TGFBR3: variants seen among roughly 807,000 people sequenced by gnomAD.
TGFBR3 encodes the protein transforming growth factor beta receptor type 3.
A neutral mutation model predicts 87.9 loss-of-function variants in TGFBR3; 46 were observed. The observed-to-expected ratio is 0.52, with a 90% CI of 0.41 to 0.67. The LOEUF (loss-of-function observed/expected upper bound fraction) is 0.67. Among genes scored for constraint, TGFBR3 ranks in the 30% least tolerant of loss-of-function variants. The pLI is 0.00. For missense variants in TGFBR3, 866 were observed against 1,041.9 expected, an observed-to-expected ratio of 0.83 and a Z score of 2.32; for synonymous variants, 381 against 391.6, an observed-to-expected ratio of 0.97 and a Z score of 0.32.
chr1:91,805,040 T>C (rs1675779038), intron 2 of TGFBR3, among the ~76,000 whole-genome samples: 2 of 152,230 alleles, frequency 1.3e-5, no homozygotes, highest in South Asian at 4.1e-4. Context: ...TACTCTATCA[T>C]GAAAAGGCAT....
At chr1:91,837,404 C>T (rs1031293891) in intron 2 of TGFBR3, among the ~76,000 whole-genome samples, 1 of 152,062 alleles carries the variant, frequency 6.6e-6, no homozygotes, top group African/African-American at 2.4e-5. Flanking sequence ...CACCATCACG[C>T]CTGGCTAATT....
chr1:91,820,305 C>T (rs945855394), intron 2 of TGFBR3, among the ~76,000 whole-genome samples: 13 of 152,308 alleles, frequency 8.5e-5, no homozygotes, highest in African/African-American at 3.1e-4. Context: ...TACTGTACTA[C>T]ACCATAACAA....
At chr1:91,843,548 T>A (rs1244102006) in intron 2 of TGFBR3, among the ~76,000 whole-genome samples, 1 of 152,228 alleles carries the variant, frequency 6.6e-6, no homozygotes, top group Non-Finnish European at 1.5e-5. Flanking sequence ...AGTACTATGG[T>A]AACATTTTCA....
rs562718149 is a variant in TGFBR3, at chr1:91,808,550, C to T, written c.62-11079G>A. 3.6e-4 allele frequency among the ~76,000 whole-genome samples: 55 copies of T among 152,308 alleles called. No individual in the cohort carries two copies. In the South Asian group the frequency reaches 1.0e-2, roughly 28 times the overall value. The stretch of plus-strand genomic sequence containing the variant: ...GCGCAATCTCAACTCACTGCAAATT[C>T]CGCCTCCTGGGTTCGAGTGATTCTC... On this transcript the variant is annotated intron_variant, in intron 2 of 16. Coordinates refer to ENST00000212355, the MANE Select transcript of TGFBR3 (RefSeq NM_003243.5).
chr1:91,739,258 A>G (rs1443341379), intron 4 of TGFBR3, among the ~76,000 whole-genome samples: 4 of 152,170 alleles, frequency 2.6e-5, no homozygotes, highest in Non-Finnish European at 4.4e-5. Flanking sequence ...GACTTCCGGA[A>G]TAATTCAGGT....
At chr1:91,711,999 C>T (rs928317912) in intron 13 of TGFBR3, among the ~76,000 whole-genome samples, 5 of 152,162 alleles carry the variant, frequency 3.3e-5, no homozygotes, top group African/African-American at 7.2e-5. Context: ...CATGGAAAAG[C>T]GTCTTGATTT....
intron 6 of TGFBR3, among the ~76,000 whole-genome samples, chr1:91,729,281 C>T (rs1370211145): frequency 2.3e-5 from 2 of 87,650 alleles, no homozygotes; most frequent in South Asian, 5.9e-4. Flanking sequence ...CACGTGCATG[C>T]GCATACACAC....
chr1:91,883,758 C>T (rs989776066), intron 1 of TGFBR3, among the ~76,000 whole-genome samples: 1 of 146,046 alleles, frequency 6.8e-6, no homozygotes, highest in African/African-American at 2.5e-5. Flanking sequence ...TTAAAGTTGA[C>T]AAATGTCAAA....
At chr1:91,712,192 C>A (rs753832241) in intron 13 of TGFBR3, 51 bp downstream of exon 13, 5 of 1,570,046 alleles carry the variant, frequency 3.2e-6, no homozygotes, top group Non-Finnish European at 4.4e-6. Context: ...ACTTTTCTGC[C>A]TCACCTAAAA....
At chr1:91,861,424 T>C in intron 2 of TGFBR3, 47 bp downstream of exon 2, 7 of 1,427,988 alleles carry the variant, frequency 4.9e-6, no homozygotes, top group Non-Finnish European at 6.9e-6. Flanking sequence ...GGACAAAATA[T>C]ATCCAAAAAT....
rs1357757603 is a variant in TGFBR3, at chr1:91,859,705, C to G, written c.61+1766G>C. 2.0e-5 allele frequency among the ~76,000 whole-genome samples: 3 copies of G among 152,130 alleles called. No individual in the cohort carries two copies. The East Asian group carries it at 5.8e-4, about 29-fold the overall frequency. ...CTTTGGGAGGCTGAGGCCAGGAGAT[C>G]GAGACCAGCCTGGCTAACATGGTGA... On this transcript the variant is annotated intron_variant, in intron 2 of 16. Transcript: ENST00000212355.
intron 1 of TGFBR3, among the ~76,000 whole-genome samples, chr1:91,902,896 G>A (rs1318979840): frequency 6.6e-6 from 1 of 151,846 alleles, no homozygotes; most frequent in East Asian, 1.9e-4. Flanking sequence ...CCTTTTCCCT[G>A]CCTGCAATGC....
chr1:91,896,786 C>T (rs754388470), intron 2 of TGFBR3, among the ~76,000 whole-genome samples: 11 of 152,150 alleles, frequency 7.2e-5, no homozygotes, highest in African/African-American at 2.4e-4. Flanking sequence ...TGCTGGAAAA[C>T]GCTGGCTATT....
At chr1:91,802,902 T>C (rs923335332) in intron 2 of TGFBR3, among the ~76,000 whole-genome samples, 64 of 151,964 alleles carry the variant, frequency 4.2e-4, no homozygotes, top group African/African-American at 1.5e-3. Flanking sequence ...ATGGATTCTC[T>C]CTCTGGCCAC....
At chr1:91,754,898 A>G (rs1159573682) in intron 4 of TGFBR3, 1 of 152,196 alleles carries the variant, frequency 6.6e-6, no homozygotes, top group East Asian at 1.9e-4. Flanking sequence ...TTTAAAAAAA[A>G]ACAGTTAAAA....
At chr1:91,719,703 CTG>C (rs1443291937) in intron 9 of TGFBR3, among the ~76,000 whole-genome samples, 188 bp downstream of exon 9, 1 of 134,190 alleles carries the variant, frequency 7.5e-6, no homozygotes, top group Non-Finnish European at 1.7e-5. Flanking sequence ...CCCCCACCCC[CTG>C]TCACTGAGAA....
intron 1 of TGFBR3, among the ~76,000 whole-genome samples, chr1:91,881,760 C>A (rs1247431602): frequency 6.6e-6 from 1 of 152,132 alleles, no homozygotes; most frequent in African/African-American, 2.4e-5. Context: ...TAATATGGGG[C>A]CGGGCACAGT....
At chr1:91,845,945 C>T (rs760251513) in intron 2 of TGFBR3, among the ~76,000 whole-genome samples, 2 of 152,134 alleles carry the variant, frequency 1.3e-5, no homozygotes, top group Admixed American at 6.5e-5. Flanking sequence ...GAGGCCCTTG[C>T]GAAGAATTTA....
At chr1:91,753,645 CTTTCTG>C (rs1673635598) in intron 4 of TGFBR3, among the ~76,000 whole-genome samples, 1 of 152,132 alleles carries the variant, frequency 6.6e-6, no homozygotes, top group Non-Finnish European at 1.5e-5. Flanking sequence ...TACTAATCTA[CTTTCTG>C]TTTCTATAGA....
Sources: gnomAD v4.1 joint callset for allele counts (sites outside exome capture counted in the v4.1 genomes callset) on GRCh38, gnomAD v4.1.1 for gene constraint, MANE v1.5 for transcripts, NCBI Gene and HGNC (gene_info 2026-07-23, HGNC 2026-07-21) for gene names.